The following NKAIN3 variants were observed in gnomAD, a reference collection of about 807,000 sequenced individuals.
NKAIN3 encodes sodium/potassium transporting ATPase interacting 3.
Under a neutral mutation model 30.2 loss-of-function variants are expected in NKAIN3, and 25 were observed. The ratio of observed to expected loss-of-function variants is 0.83; its 90% CI spans 0.60 to 1.16. NKAIN3 has a LOEUF of 1.16. NKAIN3 is among the 50% of genes most tolerant of loss of function. The pLI, the probability that NKAIN3 is intolerant of heterozygous loss-of-function variation, is 0.00. For missense variants in NKAIN3, 225 were observed against 254.1 expected (o/e 0.89, Z 0.78); for synonymous variants, 91 against 89.6 (o/e 1.02, Z -0.09).
chr8:62,388,779 G>A (rs566333121), intron 1 of NKAIN3, among the ~76,000 whole-genome samples: 1 of 152,188 alleles, frequency 6.6e-6, no homozygotes, highest in Non-Finnish European at 1.5e-5. Context: ...GGGTCTCTGG[G>A]ATTTCCATTC....
chr8:62,423,131 T>A (rs1804696331), intron 1 of NKAIN3, among the ~76,000 whole-genome samples: 1 of 152,044 alleles, frequency 6.6e-6, no homozygotes, highest in Admixed American at 6.6e-5. Context: ...CTTTTGTTTA[T>A]ATCCACTGGC....
intron 4 of NKAIN3, among the ~76,000 whole-genome samples, chr8:62,908,902 G>A (rs1233349042): frequency 2.6e-5 from 4 of 152,150 alleles, no homozygotes; most frequent in African/African-American, 7.2e-5. Context: ...TGAATGTGGG[G>A]AAACTTAGGA....
chr8:62,579,758 C>T lies in NKAIN3; in HGVS notation c.192+82C>T, dbSNP rs1810235675. ...ATATAAATAAAATATTTCTAAGTGG[C>T]CCCTTCTGATATAATGTGGCATTGC... On this transcript the variant is annotated intron_variant, in intron 2 of 6. Transcript: ENST00000623646. 10 of 784,896 alleles carry T rather than the reference C, an allele frequency of 1.3e-5. No homozygotes were observed. In the South Asian group the frequency reaches 4.9e-4, roughly 38 times the overall value. The allele number at this position is 784,896 out of a possible 1,614,324, so 48.6% of individuals were successfully genotyped here.
chr8:62,618,372 C>G (rs1418638371), intron 3 of NKAIN3, among the ~76,000 whole-genome samples: 1 of 152,094 alleles, frequency 6.6e-6, no homozygotes, highest in Non-Finnish European at 1.5e-5. Context: ...TTATCAGGAT[C>G]CAAAACTTCA....
intron 1 of NKAIN3, among the ~76,000 whole-genome samples, chr8:62,373,827 T>C (rs1037237736): frequency 6.6e-6 from 1 of 152,076 alleles, no homozygotes; most frequent in Non-Finnish European, 1.5e-5. Context: ...AAATTATACT[T>C]CTTGGCCGGG....
intron 1 of NKAIN3, among the ~76,000 whole-genome samples, chr8:62,377,133 T>C (rs1466047528): frequency 1.3e-5 from 2 of 152,174 alleles, no homozygotes; most frequent in Non-Finnish European, 2.9e-5. Context: ...TACTGCCTAA[T>C]TCGCATTTAA....
chr8:62,362,181 A>T (rs1024430042), intron 1 of NKAIN3, among the ~76,000 whole-genome samples: 1 of 152,248 alleles, frequency 6.6e-6, no homozygotes, highest in African/African-American at 2.4e-5. Flanking sequence ...AATAACTAAG[A>T]AAGTGGGCAT....
chr8:62,411,000 C>G (rs1804220388), intron 1 of NKAIN3, among the ~76,000 whole-genome samples: 1 of 152,028 alleles, frequency 6.6e-6, no homozygotes, highest in African/African-American at 2.4e-5. Flanking sequence ...GAAAATATTC[C>G]AAAAAATGGA....
intron 4 of NKAIN3, among the ~76,000 whole-genome samples, chr8:62,755,573 G>A (rs956831046): frequency 5.9e-5 from 9 of 151,768 alleles, no homozygotes; most frequent in East Asian, 1.9e-4. Context: ...GCTTTCCAGG[G>A]TCTAGTAAGA....
At chr8:62,490,185 A>G (rs1450342450) in intron 1 of NKAIN3, among the ~76,000 whole-genome samples, 1 of 152,210 alleles carries the variant, frequency 6.6e-6, no homozygotes, top group African/African-American at 2.4e-5. Context: ...GATGCGATTA[A>G]AGTTCATAAC....
At chr8:62,604,229 G>T (rs747997270) in intron 3 of NKAIN3, among the ~76,000 whole-genome samples, 1 of 152,108 alleles carries the variant, frequency 6.6e-6, no homozygotes, top group African/African-American at 2.4e-5. Context: ...GAGGCAACAA[G>T]GTGACAGAAT....
chr8:62,765,805 G>A (rs184548396), intron 4 of NKAIN3, among the ~76,000 whole-genome samples: 3 of 151,814 alleles, frequency 2.0e-5, no homozygotes, highest in Non-Finnish European at 2.9e-5. Flanking sequence ...TACTATAAAT[G>A]AATTTTTTTC....
chr8:62,474,220 A>G (rs958461), intron 1 of NKAIN3: 54,395 of 152,102 alleles, frequency 0.36, 10,515 homozygotes, highest in South Asian at 0.45. Context: ...CAAAAAATAT[A>G]TACTTTTCCT....
intron 5 of NKAIN3, among the ~76,000 whole-genome samples, chr8:62,944,939 G>T (rs946024327): frequency 7.2e-5 from 11 of 152,078 alleles, no homozygotes; most frequent in African/African-American, 2.7e-4. Flanking sequence ...TAGAAACCTT[G>T]TTCACAGAAA....
chr8:62,590,368 G>T (rs1011353931), intron 3 of NKAIN3, among the ~76,000 whole-genome samples: 1 of 151,724 alleles, frequency 6.6e-6, no homozygotes, highest in Admixed American at 6.6e-5. Flanking sequence ...TGATACACAC[G>T]TTATTTCTGC....
chr8:62,385,283 T>C (rs1817391055), intron 1 of NKAIN3, among the ~76,000 whole-genome samples: 3 of 152,188 alleles, frequency 2.0e-5, no homozygotes, highest in African/African-American at 7.2e-5. Flanking sequence ...TCAACTCTTA[T>C]CATAACCCTG....
In NKAIN3 at chr8:62,968,576, C is replaced by A. The variant is rs565385566; in HGVS notation, c.*3169C>A. 2.0e-5 allele frequency among the ~76,000 whole-genome samples: 3 copies of A among 152,304 alleles called. No individual in the cohort carries two copies. The highest frequency in any genetic ancestry group is 2.0e-4 in the Admixed American group (3 of 15,296). ...TGGTGCAGCTCTAGATTCAATAGCT[C>A]TCCTCAGAAGTGGCCCTGGCAAAAC... On this transcript the variant is annotated 3_prime_UTR_variant, in exon 7 of 7. Coordinates refer to ENST00000623646, the MANE Select transcript of NKAIN3 (RefSeq NM_001304533.3).
chr8:62,806,888 G>T (rs895027284), intron 4 of NKAIN3, among the ~76,000 whole-genome samples: 1 of 151,696 alleles, frequency 6.6e-6, no homozygotes, highest in Non-Finnish European at 1.5e-5. Context: ...ATTTCCACTT[G>T]TCTACATGAG....
chr8:62,983,749 G>A lies in NKAIN3; in HGVS notation c.*18342G>A, dbSNP rs545883990. The stretch of plus-strand genomic sequence containing the variant: ...AGGACCTGACTAACATTTCAGAACT[G>A]CGGTCACCCATTTTATACAAACCAA... On this transcript the variant is annotated 3_prime_UTR_variant, in exon 7 of 7. Transcript: ENST00000623646. 1 of 152,266 alleles carries A rather than the reference G, an allele frequency of 6.6e-6. No individual in the cohort carries two copies. Among genetic ancestry groups the A allele is most frequent in the African/African-American group, 2.4e-5 (1 of 41,560 alleles). The allele number at this position is 152,266 out of a possible 1,614,324, so 9.4% of individuals were successfully genotyped here.
Sources: gnomAD v4.1 joint callset for allele counts (sites outside exome capture counted in the v4.1 genomes callset) on GRCh38, gnomAD v4.1.1 for gene constraint, MANE v1.5 for transcripts, NCBI Gene and HGNC (gene_info 2026-07-23, HGNC 2026-07-21) for gene names.